DLG3: variants seen among roughly 807,000 people sequenced by gnomAD.
DLG3 encodes disks large homolog 3.
Under a neutral mutation model 64.1 loss-of-function variants are expected in DLG3, and 1 was observed. The ratio of observed to expected loss-of-function variants is 0.02; its 90% CI spans 0.01 to 0.07. The LOEUF (loss-of-function observed/expected upper bound fraction) is 0.07. Among genes scored for constraint, DLG3 ranks in the 10% least tolerant of loss-of-function variants. DLG3 has a pLI of 1.00. For missense variants in DLG3, 429 were observed against 669.5 expected (o/e 0.64, Z 3.96); for synonymous variants, 245 against 259.8 (o/e 0.94, Z 0.55).
chrX:70,452,623 T>C, intron 7 of DLG3: 1 of 1,184,785 alleles, frequency 8.4e-7, no homozygotes, highest in South Asian at 1.8e-5. Context: ...AGAGGAGCTA[T>C]GGAGAGGGCC....
intron 7 of DLG3, 145 bp downstream of exon 7, chrX:70,452,171 C>T: frequency 9.2e-7 from 1 of 1,086,417 alleles, no homozygotes; most frequent in Non-Finnish European, 1.2e-6. Flanking sequence ...GGTCCGAGGC[C>T]CTCTCTCAGG....
intron 10 of DLG3, among the ~76,000 whole-genome samples, chrX:70,481,733 C>A (rs1235624685): frequency 2.7e-5 from 3 of 112,075 alleles, no homozygotes; most frequent in Admixed American, 9.5e-5. Context: ...TCTTAGTCTT[C>A]AAATTTAGTG....
intron 1 of DLG3, among the ~76,000 whole-genome samples, chrX:70,446,315 G>C (rs1037906228): frequency 2.7e-5 from 3 of 110,198 alleles, no homozygotes; most frequent in Non-Finnish European, 3.8e-5. Context: ...TGACAGGCAA[G>C]GGAGGGGAGA....
At chrX:70,501,200 C>T (rs897694267) in intron 18 of DLG3, among the ~76,000 whole-genome samples, 1 of 111,383 alleles carries the variant, frequency 9.0e-6, no homozygotes, top group Non-Finnish European at 1.9e-5. Context: ...AACCACTCAC[C>T]AAATGCTTCC....
At chrX:70,477,428 A>G (rs2087072967) in intron 9 of DLG3, among the ~76,000 whole-genome samples, 1 of 112,116 alleles carries the variant, frequency 8.9e-6, no homozygotes, top group African/African-American at 3.2e-5. Context: ...CACCCAGTGT[A>G]GAGGGCCAAG....
Position 70,504,469 on chromosome X carries a change from T to C in DLG3, c.*2200T>C, listed in dbSNP as rs1216507153. The C allele has an allele frequency of 8.9e-6, 1 of 111,943 alleles. No individual in the cohort carries two copies. Among genetic ancestry groups the C allele is most frequent in the African/African-American group, 3.3e-5 (1 of 30,681 alleles). The allele number at this position is 111,943 out of a possible 1,213,427, so 9.2% of individuals were successfully genotyped here. On this transcript the variant is annotated 3_prime_UTR_variant, in exon 19 of 19. Coordinates refer to ENST00000374360, the MANE Select transcript of DLG3 (RefSeq NM_021120.4). ...TTTGGGGGCCAGAGGGCTCTCTCCT[T>C]AGTGATGATCAGCTAGCCGAGCTGG...
intron 9 of DLG3, among the ~76,000 whole-genome samples, chrX:70,475,421 G>A (rs1309964963): frequency 1.8e-5 from 2 of 111,011 alleles, no homozygotes; most frequent in African/African-American, 6.6e-5. Context: ...GCAGTGGCGC[G>A]ATCTCGGCTC....
chrX:70,476,260 G>T (rs1425162080), intron 9 of DLG3, among the ~76,000 whole-genome samples: 1 of 112,096 alleles, frequency 8.9e-6, no homozygotes, highest in East Asian at 2.8e-4. Context: ...AAACAAAGCA[G>T]TTTAGTAGAC....
At chrX:70,446,626 G>A (rs1481170495) in intron 1 of DLG3, among the ~76,000 whole-genome samples, 1 of 112,763 alleles carries the variant, frequency 8.9e-6, no homozygotes, top group African/African-American at 3.2e-5. Flanking sequence ...GAGCCCCTGG[G>A]TGCTGGGCAC....
intron 10 of DLG3, among the ~76,000 whole-genome samples, chrX:70,484,736 C>T (rs1470995336): frequency 9.0e-6 from 1 of 111,557 alleles, no homozygotes; most frequent in Non-Finnish European, 1.9e-5. Context: ...TCGCTCATTG[C>T]GGGCTAATTG....
chrX:70,495,344 C>G, intron 12 of DLG3, 64 bp from the exon 13 acceptor site: 1 of 1,033,706 alleles, frequency 9.7e-7, no homozygotes, highest in Non-Finnish European at 1.4e-6. Flanking sequence ...TCCCTCCCAT[C>G]CCTTCCCCTT....
chrX:70,492,430 T>A (rs2087374639), intron 11 of DLG3, 91 bp from the exon 12 acceptor site: 1 of 1,119,639 alleles, frequency 8.9e-7, no homozygotes, highest in Non-Finnish European at 1.2e-6. Context: ...TTTTACTCAG[T>A]GAGCCAAAAA....
Position 70,445,405 on chromosome X carries a change from C to A in DLG3, c.204C>A (p.Thr68=). ...TLPSQAGATP[T]PRTKAKLIPT... is the part of the protein sequence containing the mutation. ...CCTCGCAGGCGGGGGCCACCCCCACCCCTCGCACCAAGGCCAAGCTCATCC... is the reference window on the plus strand; with the variant it reads ...CCTCGCAGGCGGGGGCCACCCCCACACCTCGCACCAAGGCCAAGCTCATCC... Residue 68 remains threonine (T), a synonymous_variant, in exon 1 of 19, where the codon ACC becomes ACA. Transcript: ENST00000374360. 1 of 1,187,012 alleles carries A rather than the reference C, an allele frequency of 8.4e-7. No individual in the cohort carries two copies. The highest frequency in any genetic ancestry group is 1.7e-5 in the African/African-American group (1 of 57,264).
intron 9 of DLG3, among the ~76,000 whole-genome samples, chrX:70,460,282 C>CAAA (rs1221573255): frequency 1.0e-4 from 4 of 38,394 alleles, no homozygotes; most frequent in South Asian, 1.3e-3. Flanking sequence ...GACTCTGTCT[C>CAAA]AAAAAAAAAA....
At chrX:70,486,093 A>G (rs2087248328) in intron 10 of DLG3, among the ~76,000 whole-genome samples, 1 of 111,552 alleles carries the variant, frequency 9.0e-6, no homozygotes, top group Non-Finnish European at 1.9e-5. Context: ...TGGTGGTATG[A>G]CAGCTCTGGA....
intron 9 of DLG3, among the ~76,000 whole-genome samples, chrX:70,458,656 G>A (rs756881602): frequency 4.4e-5 from 5 of 112,523 alleles, no homozygotes; most frequent in Non-Finnish European, 7.5e-5. Context: ...TAGGAACTGT[G>A]TCTTTCTATT....
intron 10 of DLG3, among the ~76,000 whole-genome samples, chrX:70,481,390 AT>A (rs1569286837): frequency 8.9e-6 from 1 of 112,426 alleles, no homozygotes; most frequent in Non-Finnish European, 1.9e-5. Flanking sequence ...ATTACTAAGT[AT>A]TGTGTGAAAA....
rs752431046 is a variant in DLG3, at chrX:70,445,113, C to CCGG, written c.-73_-71dup. 96 of 750,033 alleles carry CCGG rather than the reference C, an allele frequency of 1.3e-4. No homozygotes were observed. The highest frequency in any genetic ancestry group is 1.7e-4 in the Non-Finnish European group (90 of 538,688). 61.8% of individuals were successfully genotyped at this position (750,033 alleles called of 1,213,427 possible). ...GAGCAGTGTGAGTGTGCCAGGGAGC[C>CCGG]CGGCGGCGGCGGCGGCGGTGGTGGC... On this transcript the variant is annotated 5_prime_UTR_variant, in exon 1 of 19. Transcript: ENST00000374360.
Position 70,445,402 on chromosome X carries a change from C to T in DLG3, c.201C>T (p.Pro67=), listed in dbSNP as rs754657913. The T allele has an allele frequency of 2.0e-5, 24 of 1,185,148 alleles. No individual in the cohort carries two copies. Among genetic ancestry groups the T allele is most frequent in the Non-Finnish European group, 2.5e-5 (22 of 882,256 alleles). Residue 67 remains proline, a synonymous_variant, in exon 1 of 19, where the codon CCC becomes CCT. Coordinates refer to ENST00000374360, the MANE Select transcript of DLG3 (RefSeq NM_021120.4). ...TGCCCTCGCAGGCGGGGGCCACCCC[C>T]ACCCCTCGCACCAAGGCCAAGCTCA... ...QTLPSQAGAT[P]TPRTKAKLIP... is the part of the protein sequence containing the mutation.
Sources: allele counts gnomAD v4.1 joint callset (sites outside exome capture counted in the v4.1 genomes callset), GRCh38; gene constraint gnomAD v4.1.1; transcripts MANE v1.5; gene names NCBI Gene and HGNC (gene_info 2026-07-23, HGNC 2026-07-21).